The following YWHAE variants were observed in gnomAD, a reference collection of about 807,000 sequenced individuals.
The protein encoded by YWHAE is tyrosine 3-monooxygenase/tryptophan 5-monooxygenase activation protein epsilon.
In YWHAE, 4 loss-of-function variants were observed where a neutral mutation model predicts 30.1. That is an observed-to-expected ratio of 0.13 (90% CI 0.07 to 0.30). YWHAE has a LOEUF of 0.30. Ranked by LOEUF, YWHAE falls within the 10% of genes least tolerant of loss-of-function variation. The pLI is 1.00. For synonymous variants in YWHAE, 118 were observed against 111.8 expected (o/e 1.06, Z -0.35); for missense variants, 121 against 315.9 (o/e 0.38, Z 4.68).
At chr17:1,373,067 CCT>C (rs2073065086) in intron 1 of YWHAE, among the ~76,000 whole-genome samples, 1 of 151,604 alleles carries the variant, frequency 6.6e-6, no homozygotes, top group Non-Finnish European at 1.5e-5. Context: ...ATGGAGAAAC[CCT>C]GTCTCTACTA....
intron 4 of YWHAE, among the ~76,000 whole-genome samples, chr17:1,358,442 C>CCTGT (rs1567961341): frequency 6.6e-6 from 1 of 151,808 alleles, no homozygotes; most frequent in Non-Finnish European, 1.5e-5. Flanking sequence ...GGTTTCACCA[C>CCTGT]GTTAGCCACG....
At chr17:1,381,893 A>G (rs909792537) in intron 1 of YWHAE, among the ~76,000 whole-genome samples, 4 of 135,966 alleles carry the variant, frequency 2.9e-5, no homozygotes, top group Non-Finnish European at 6.2e-5. Context: ...AGCCTGCACG[A>G]GAGAGCGACA....
At chr17:1,399,996 C>A (rs1454034970) in intron 1 of YWHAE, 51 bp downstream of exon 1, 1 of 1,604,500 alleles carries the variant, frequency 6.2e-7, no homozygotes, top group South Asian at 1.1e-5. Context: ...CCTCTGTGGG[C>A]GGCGGCAGAG....
intron 1 of YWHAE, among the ~76,000 whole-genome samples, chr17:1,388,877 G>A (rs2073348180): frequency 1.3e-5 from 2 of 152,134 alleles, no homozygotes. Context: ...TAACGTTCTT[G>A]AAAATTTCAC....
At chr17:1,396,796 AT>A in intron 1 of YWHAE, among the ~76,000 whole-genome samples, 1 of 151,348 alleles carries the variant, frequency 6.6e-6, no homozygotes, top group South Asian at 2.1e-4. Context: ...CTAATTTTGT[AT>A]TTTTACTACA....
Position 1,361,210 on chromosome 17 carries a change from C to T in YWHAE, c.460G>A (p.Ala154Thr). Residue 154 changes from alanine (A) to threonine (T), a missense_variant, in exon 4 of 6, where the codon GCT (alanine) becomes ACT (threonine). Transcript: ENST00000264335. ...AAENSLVAYK[A>T]ASDIAMTELP... Reference sequence around the variant, plus strand: ...TCTGTCATTGCAATATCACTAGCAGCTTTATAAGCCACTAGGCTGTTCTCC... The same window carrying T: ...TCTGTCATTGCAATATCACTAGCAGTTTTATAAGCCACTAGGCTGTTCTCC... The T allele has an allele frequency of 6.2e-7, 1 of 1,613,966 alleles. No individual in the cohort carries two copies.
At chr17:1,364,285 A>G (rs1262688713) in intron 2 of YWHAE, among the ~76,000 whole-genome samples, 14 of 151,196 alleles carry the variant, frequency 9.3e-5, no homozygotes, top group South Asian at 2.1e-4. Flanking sequence ...GGAGTGCAGC[A>G]GTGCGATCTC....
At position 1,396,679 on chromosome 17, in the gene YWHAE, G is replaced by A. The variant is rs148978198; in HGVS notation, c.64+3368C>T. On this transcript the variant is annotated intron_variant, in intron 1 of 5. Transcript: ENST00000264335. ...TTGTTGCTGTTGCCCAGGATGGAGT[G>A]CAATGGCGCAATCTCGGCTCACCGC... Among the ~76,000 whole-genome samples, 11 of 152,296 alleles carry A rather than the reference G, an allele frequency of 7.2e-5. No homozygotes were observed. The East Asian group carries it at 2.1e-3, about 29-fold the overall frequency.
chr17:1,396,257 T>A (rs2073469855), intron 1 of YWHAE, among the ~76,000 whole-genome samples: 1 of 151,366 alleles, frequency 6.6e-6, no homozygotes, highest in African/African-American at 2.4e-5. Context: ...GTGTCTCTAC[T>A]AAAAAAGAAA....
At chr17:1,399,191 G>T (rs778845892) in intron 1 of YWHAE, 1 of 152,072 alleles carries the variant, frequency 6.6e-6, no homozygotes, top group African/African-American at 2.4e-5. Context: ...GTGGCCTCCT[G>T]GTTCTATCCA....
At chr17:1,364,714 A>G (rs2072917704) in intron 2 of YWHAE, 145 bp downstream of exon 2, 1 of 1,040,250 alleles carries the variant, frequency 9.6e-7, no homozygotes, top group Non-Finnish European at 1.4e-6. Context: ...TAAACCAGGC[A>G]CAAAGATCAA....
At chr17:1,395,569 T>A (rs2073457083) in intron 1 of YWHAE, among the ~76,000 whole-genome samples, 1 of 152,114 alleles carries the variant, frequency 6.6e-6, no homozygotes, top group African/African-American at 2.4e-5. Flanking sequence ...TCTATGCATT[T>A]AAGAAGGAGA....
At chr17:1,366,664 C>T (rs530251444) in intron 1 of YWHAE, among the ~76,000 whole-genome samples, 9 of 152,008 alleles carry the variant, frequency 5.9e-5, no homozygotes, top group African/African-American at 1.4e-4. Context: ...CTAAATTGGA[C>T]GGGCACGGTG....
intron 1 of YWHAE, among the ~76,000 whole-genome samples, chr17:1,383,750 G>A (rs138513003): frequency 4.6e-5 from 7 of 152,206 alleles, no homozygotes; most frequent in East Asian, 1.9e-4. Context: ...ACAATCGTAA[G>A]TTGCTAGTAT....
chr17:1,355,847 G>A (rs771487943), intron 4 of YWHAE, among the ~76,000 whole-genome samples: 44 of 152,084 alleles, frequency 2.9e-4, no homozygotes, highest in Middle Eastern at 3.4e-3. Context: ...AAGACCAGCC[G>A]GGCCACCATG....
intron 1 of YWHAE, among the ~76,000 whole-genome samples, chr17:1,373,492 C>T (rs887958665): frequency 2.8e-4 from 42 of 150,290 alleles, no homozygotes; most frequent in African/African-American, 8.3e-4. Flanking sequence ...GGTGAAACCC[C>T]GTCTCTACTA....
At position 1,370,331 on chromosome 17, in the gene YWHAE, C is replaced by T. The variant is rs906741722; in HGVS notation, c.65-5273G>A. On this transcript the variant is annotated intron_variant, in intron 1 of 5. Coordinates refer to ENST00000264335, the MANE Select transcript of YWHAE (RefSeq NM_006761.5). ...TATTTTTAGTAGAGGCGGGGTTTCA[C>T]CATGTTAGCCAGGACGGTCTCGATC... Among the ~76,000 whole-genome samples the T allele has an allele frequency of 4.2e-4, 64 of 151,368 alleles. 1 individual carries two copies. The highest frequency in any genetic ancestry group is 3.9e-4 in the East Asian group (2 of 5,112).
intron 5 of YWHAE, among the ~76,000 whole-genome samples, chr17:1,353,488 C>T (rs1034748741): frequency 3.3e-5 from 5 of 150,538 alleles, no homozygotes; most frequent in African/African-American, 9.8e-5. Context: ...AACAGCAGGG[C>T]GCAGTGGCTA....
intron 5 of YWHAE, 132 bp downstream of exon 5, chr17:1,354,079 A>G: frequency 2.5e-6 from 3 of 1,193,946 alleles, no homozygotes; most frequent in Non-Finnish European, 3.4e-6. Context: ...GGCAGCAATT[A>G]CAATTTCATA....
Sources: allele counts gnomAD v4.1 joint callset (sites outside exome capture counted in the v4.1 genomes callset), GRCh38; gene constraint gnomAD v4.1.1; transcripts MANE v1.5; gene names NCBI Gene and HGNC (gene_info 2026-07-23, HGNC 2026-07-21).